Variants in ARMC9 observed in about 807,000 individuals in gnomAD.
ARMC9 encodes the protein armadillo repeat containing 9.
Under a neutral mutation model 107.0 loss-of-function variants are expected in ARMC9, and 94 were observed. The ratio of observed to expected loss-of-function variants is 0.88; its 90% CI spans 0.74 to 1.04. ARMC9 has a LOEUF of 1.04. Ranked by LOEUF, ARMC9 falls within the 50% of genes least tolerant of loss-of-function variation. The pLI is 0.00. For synonymous variants in ARMC9, 380 were observed against 396.9 expected (o/e 0.96, Z 0.51); for missense variants, 942 against 1,030.1 (o/e 0.91, Z 1.17).
Position 231,329,112 on chromosome 2 carries a change from C to T in ARMC9, c.1774-2681C>T, listed in dbSNP as rs1352802177. Among the ~76,000 whole-genome samples the T allele has an allele frequency of 4.6e-5, 7 of 151,936 alleles. No individual in the cohort carries two copies. The South Asian group carries it at 8.3e-4, about 18-fold the overall frequency. Reference sequence around the variant, plus strand: ...CTGGGATTACAGGCGTGAGCCACCGCGCCCGGCCAACGTGTTTAATTTTCT... The same window carrying T: ...CTGGGATTACAGGCGTGAGCCACCGTGCCCGGCCAACGTGTTTAATTTTCT... On this transcript the variant is annotated intron_variant, in intron 19 of 24. Coordinates refer to ENST00000611582, the MANE Select transcript of ARMC9 (RefSeq NM_001352754.2).
At chr2:231,318,882 CA>C (rs1452208958) in intron 19 of ARMC9, among the ~76,000 whole-genome samples, 2 of 152,162 alleles carry the variant, frequency 1.3e-5, no homozygotes, top group African/African-American at 4.8e-5. Context: ...GCAAAGCAGA[CA>C]TCCTATTTGG....
intron 17 of ARMC9, 122 bp from the exon 18 acceptor site, chr2:231,291,231 C>T: frequency 1.4e-6 from 1 of 723,314 alleles, no homozygotes; most frequent in Non-Finnish European, 2.4e-6. Context: ...TGTCCCCCAC[C>T]CAAGGTATCC....
chr2:231,310,733 G>A lies in ARMC9; in HGVS notation c.1773+14480G>A, dbSNP rs187399774. On this transcript the variant is annotated intron_variant, in intron 19 of 24. Transcript: ENST00000611582. Reference sequence around the variant, plus strand: ...CAGCCTGGGCAACGAGTGAAACTCCGTCTCAAAAGATAAAAAAAAAAAAGG... The same window carrying A: ...CAGCCTGGGCAACGAGTGAAACTCCATCTCAAAAGATAAAAAAAAAAAAGG... 5.6e-3 allele frequency among the ~76,000 whole-genome samples: 849 copies of A among 150,870 alleles called. 13 individuals carry two copies. Among genetic ancestry groups the A allele is most frequent in the African/African-American group, 0.019 (799 of 41,010 alleles).
chr2:231,222,031 T>G (rs2034192461), intron 5 of ARMC9, among the ~76,000 whole-genome samples: 1 of 152,162 alleles, frequency 6.6e-6, no homozygotes, highest in African/African-American at 2.4e-5. Context: ...GTATGAATTT[T>G]TAGTGGCTTC....
intron 8 of ARMC9, among the ~76,000 whole-genome samples, chr2:231,237,781 A>ATTTT (rs142285288): frequency 3.7e-5 from 1 of 26,964 alleles, no homozygotes; most frequent in African/African-American, 1.2e-4. Flanking sequence ...ATATATATAT[A>ATTTT]TTTTTTTTTT....
intron 22 of ARMC9, among the ~76,000 whole-genome samples, chr2:231,356,219 A>C (rs906748598): frequency 2.6e-5 from 4 of 152,062 alleles, no homozygotes; most frequent in Non-Finnish European, 5.9e-5. Flanking sequence ...GAAATTTCGG[A>C]GGAGGAATGC....
intron 23 of ARMC9, among the ~76,000 whole-genome samples, chr2:231,363,140 T>C (rs893731249): frequency 6.6e-6 from 1 of 151,878 alleles, no homozygotes; most frequent in South Asian, 2.1e-4. Context: ...CATGCAGGAG[T>C]GTGCACAGAG....
At chr2:231,236,994 CTT>C (rs1574723457) in intron 8 of ARMC9, among the ~76,000 whole-genome samples, 2 of 152,168 alleles carry the variant, frequency 1.3e-5, no homozygotes, top group Non-Finnish European at 2.9e-5. Context: ...AAGCTGGACT[CTT>C]TACTAGCCTT....
rs1207302185 is a variant in ARMC9 at position 231,360,652 on chromosome 2, G to A, written c.2132-102G>A. 19 of 1,514,814 alleles carry A rather than the reference G, an allele frequency of 1.3e-5. No homozygotes were observed. Among genetic ancestry groups the A allele is most frequent in the Non-Finnish European group, 1.7e-5 (19 of 1,128,414 alleles). 93.8% of individuals were successfully genotyped at this position (1,514,814 alleles called of 1,614,324 possible). A position where few individuals can be genotyped will look rare whatever the true frequency, so the allele number is the denominator to read the frequency against. The stretch of plus-strand genomic sequence containing the variant: ...CCAGGGAGCCCGCAGGGCCTGGCCT[G>A]GGGTGCGTGCTTTTCTTGGCTTTCC... On this transcript the variant is annotated intron_variant, in intron 22 of 24. Transcript: ENST00000611582. This position sits in a 1 kb window ranked among gnomAD's most constrained non-coding sequence, Gnocchi z 4.7.
chr2:231,306,489 T>C (rs112985058), intron 19 of ARMC9, among the ~76,000 whole-genome samples: 5 of 152,306 alleles, frequency 3.3e-5, no homozygotes, highest in African/African-American at 9.6e-5. Context: ...ATCGATACTT[T>C]TCTTAGAATT....
intron 6 of ARMC9, among the ~76,000 whole-genome samples, chr2:231,223,595 G>T (rs1395739050): frequency 6.6e-6 from 1 of 152,170 alleles, no homozygotes; most frequent in African/African-American, 2.4e-5. Flanking sequence ...TTAATTTCAT[G>T]AAAAATTTAG....
chr2:231,344,870 C>A, intron 20 of ARMC9, 105 bp from the exon 21 acceptor site: 1 of 1,108,018 alleles, frequency 9.0e-7, no homozygotes, highest in Non-Finnish European at 1.3e-6. Flanking sequence ...ATTTGCAAAG[C>A]TTCTTATCAT....
intron 24 of ARMC9, 68 bp downstream of exon 24, chr2:231,370,193 T>G: frequency 7.0e-7 from 1 of 1,432,826 alleles, no homozygotes; most frequent in East Asian, 2.6e-5. Flanking sequence ...AAGGGCATTT[T>G]GCTGCTATAT....
intron 9 of ARMC9, among the ~76,000 whole-genome samples, chr2:231,246,601 A>C (rs757060791): frequency 6.6e-6 from 1 of 152,004 alleles, no homozygotes; most frequent in Non-Finnish European, 1.5e-5. Flanking sequence ...TATCCAGTTC[A>C]CTGCTGATGG....
At chr2:231,261,752 T>C (rs1355457018) in intron 11 of ARMC9, among the ~76,000 whole-genome samples, 3 of 152,182 alleles carry the variant, frequency 2.0e-5, no homozygotes, top group African/African-American at 7.2e-5. Context: ...TCTGAGCATT[T>C]TGCTGCCTCA....
Position 231,358,632 on chromosome 2 carries a change from A to G in ARMC9, c.2132-2122A>G, listed in dbSNP as rs1172149157. On this transcript the variant is annotated intron_variant, in intron 22 of 24. Coordinates refer to ENST00000611582, the MANE Select transcript of ARMC9 (RefSeq NM_001352754.2). The surrounding 1 kb of genome is among the most constrained non-coding windows in gnomAD (Gnocchi z 4.5). ...AACGCCCCACCCAGAGACCCCGTGG[A>G]AACCCCCACCTTCACGCTGAGTTTC... Among the ~76,000 whole-genome samples the G allele has an allele frequency of 6.6e-6, 1 of 152,164 alleles. No individual in the cohort carries two copies. The highest frequency in any genetic ancestry group is 1.5e-5 in the Non-Finnish European group (1 of 68,032).
intron 7 of ARMC9, among the ~76,000 whole-genome samples, chr2:231,232,627 T>G (rs2035338481): frequency 6.6e-6 from 1 of 151,750 alleles, no homozygotes; most frequent in African/African-American, 2.4e-5. Flanking sequence ...AATTTTATAT[T>G]TTTAGTGGAG....
At chr2:231,336,678 GT>G (rs2044112314) in intron 20 of ARMC9, among the ~76,000 whole-genome samples, 1 of 152,208 alleles carries the variant, frequency 6.6e-6, no homozygotes, top group Non-Finnish European at 1.5e-5. Context: ...AATTCATTTA[GT>G]TTTCCTAAGA....
intron 23 of ARMC9, among the ~76,000 whole-genome samples, chr2:231,364,072 G>A (rs569044321): frequency 2.6e-5 from 4 of 152,268 alleles, no homozygotes; most frequent in African/African-American, 9.6e-5. Context: ...TTTATCCTGC[G>A]AAGAGCCAAA....
Sources: gnomAD v4.1 joint callset for allele counts (sites outside exome capture counted in the v4.1 genomes callset) on GRCh38, gnomAD v4.1.1 for gene constraint, Gnocchi (gnomAD v3.1) non-coding constraint, MANE v1.5 for transcripts, NCBI Gene and HGNC (gene_info 2026-07-23, HGNC 2026-07-21) for gene names.